Variants in CELSR3 observed in about 807,000 individuals in gnomAD.
The protein encoded by CELSR3 is EGF-like protein 1.
CELSR3 carries 73 observed loss-of-function variants against 270.0 expected under a neutral mutation model. That is an observed-to-expected ratio of 0.27 (90% confidence interval 0.22 to 0.33). CELSR3 has a LOEUF of 0.33. Among genes scored for constraint, CELSR3 ranks in the 10% least tolerant of loss-of-function variants. CELSR3 has a pLI of 1.00. For synonymous variants in CELSR3, 1,780 were observed against 1,905.4 expected (o/e 0.93, Z 1.71); for missense variants, 3,614 against 4,533.8 (o/e 0.80, Z 5.83).
Position 48,642,775 on chromosome 3 carries a change from G to A in CELSR3, c.8516C>T (p.Thr2839Ile), listed in dbSNP as rs1218934239. 2 of 1,612,502 alleles carry A rather than the reference G, an allele frequency of 1.2e-6. No homozygotes were observed. The highest frequency in any genetic ancestry group is 3.3e-5 in the Admixed American group (2 of 60,012). Residue 2839 changes from threonine (T) to isoleucine (I), a missense_variant, in exon 30 of 35, where the codon ACC (threonine) becomes ATC (isoleucine). By Grantham distance (89) the Thr-to-Ile change is moderately conservative. Around this residue, in one of 7 missense-constraint regions of CELSR3, gnomAD observed 1,240 missense variants for 1,351.7 expected, o/e 0.92. Transcript: ENST00000164024. The surrounding 1 kb of genome is among the most constrained non-coding windows in gnomAD (Gnocchi z 6.1). ...GCCCCGCTGGCTGTCCTGGTCCTGG[G>A]TCCGGCCGGAGCGGGCACTGCTCAC... ...SSVSSARSGRTQDQDSQRGRS... is the reference protein window; with the variant it reads ...SSVSSARSGRIQDQDSQRGRS...
At position 48,660,354 on chromosome 3, in the gene CELSR3, A is replaced by G. The variant is rs890022468; in HGVS notation, c.2281T>C (p.Tyr761His). The change falls in exon 1 of 35, where the codon TAC becomes CAC. Residue 761 changes from tyrosine to histidine, a missense_variant. Tyr to His is a moderately conservative substitution (Grantham distance 83). Around this residue, in one of 7 missense-constraint regions of CELSR3, gnomAD observed 215 missense variants for 241.2 expected, o/e 0.89. Coordinates refer to ENST00000164024, the MANE Select transcript of CELSR3 (RefSeq NM_001407.3). This position sits in a 1 kb window ranked among gnomAD's most constrained non-coding sequence, Gnocchi z 5.5. ...DNRPEFTMKEYHLRLNEDAAV... is the reference protein window; with the variant it reads ...DNRPEFTMKEHHLRLNEDAAV... ...GCATCCTCATTCAGTCGTAGGTGGT[A>G]CTCCTTCATTGTGAACTCAGGCCGA... is the stretch of plus-strand genomic sequence containing the variant. 3.1e-6 allele frequency: 5 copies of G among 1,613,994 alleles called. No individual in the cohort carries two copies. The highest frequency in any genetic ancestry group is 3.4e-6 in the Non-Finnish European group (4 of 1,180,000).
Position 48,652,620 on chromosome 3 carries a change from T to G in CELSR3, c.5635-67A>C. The G allele has an allele frequency of 7.7e-7, 1 of 1,297,938 alleles. No individual in the cohort carries two copies. The highest frequency in any genetic ancestry group is 1.4e-5 in the South Asian group (1 of 73,496). The allele number at this position is 1,297,938 out of a possible 1,614,324, so 80.4% of individuals were successfully genotyped here. On this transcript the variant is annotated intron_variant, in intron 10 of 34. Transcript: ENST00000164024. This position sits in a 1 kb window ranked among gnomAD's most constrained non-coding sequence, Gnocchi z 4.3. ...GATGAACCCCTGTCATAGCCCAGAG[T>G]CAGTCTTGGCCTTCTTCTAGCCCTT...
At position 48,655,945 on chromosome 3, in the gene CELSR3, C is replaced by A. The variant is rs2047176763; in HGVS notation, c.4626-94G>T. ...TCCCTGCGAGGAGAAGGGGCTGGGG[C>A]GAGAGAGGAAGCGACGAGGGACGGC... On this transcript the variant is annotated intron_variant, in intron 3 of 34. Transcript: ENST00000164024. This position sits in a 1 kb window ranked among gnomAD's most constrained non-coding sequence, Gnocchi z 5.8. 2.5e-6 allele frequency: 3 copies of A among 1,213,488 alleles called. No individual in the cohort carries two copies. Among genetic ancestry groups the A allele is most frequent in the African/African-American group, 1.5e-5 (1 of 66,358 alleles). The allele number at this position is 1,213,488 out of a possible 1,614,324, so 75.2% of individuals were successfully genotyped here. A position where few individuals can be genotyped will look rare whatever the true frequency, so the allele number is the denominator to read the frequency against.
At position 48,653,507 on chromosome 3, in the gene CELSR3, G is replaced by T; in HGVS notation, c.5448+112C>A. On this transcript the variant is annotated intron_variant, in intron 9 of 34. Transcript: ENST00000164024. This position sits in a 1 kb window ranked among gnomAD's most constrained non-coding sequence, Gnocchi z 6.5. The stretch of plus-strand genomic sequence containing the variant: ...GTCCAGAGCAGGGTCAAGTGTGGTT[G>T]GGACACCTGGCAGAAAAGTATGCTG... 1.6e-6 allele frequency: 2 copies of T among 1,289,436 alleles called. No homozygotes were observed. Among genetic ancestry groups the T allele is most frequent in the Non-Finnish European group, 1.1e-6 (1 of 913,728 alleles). The allele number at this position is 1,289,436 out of a possible 1,614,324, so 79.9% of individuals were successfully genotyped here.
chr3:48,656,731 CT>C lies in CELSR3; in HGVS notation c.4365del (p.Gly1456AlafsTer103). ...CGCGGGCGGCAGACGCACGTGTAGC[CT>C]CCCTCGCGCCGCGCGCAGGCTCCGC... Reference protein sequence around the residue: ...RNGGACARREGGYTCVCRPRF... With the variant: ...RNGGACARREXGYTCVCRPRF... On this transcript the variant is annotated frameshift_variant, in exon 2 of 35. Coordinates refer to ENST00000164024, the MANE Select transcript of CELSR3 (RefSeq NM_001407.3). LOFTEE classifies it high-confidence loss of function. 1 of 1,518,812 alleles carries C rather than the reference CT, an allele frequency of 6.6e-7. No homozygotes were observed. The allele number at this position is 1,518,812 out of a possible 1,614,324, so 94.1% of individuals were successfully genotyped here.
Position 48,642,415 on chromosome 3 carries a change from G to C in CELSR3, c.8608C>G (p.Leu2870Val). The change falls in exon 31 of 35, where the codon CTC (leucine) becomes GTC (valine). Residue 2870 changes from leucine (L) to valine (V), a missense_variant. Around this residue, in one of 7 missense-constraint regions of CELSR3, gnomAD observed 1,240 missense variants for 1,351.7 expected, o/e 0.92. Transcript: ENST00000164024. The surrounding 1 kb of genome is among the most constrained non-coding windows in gnomAD (Gnocchi z 6.1). ...GSAADHTDHS[L>V]QAHAGPTDLD... ...TCAGTGGGGCCAGCATGAGCCTGGA[G>C]GCTGTGGTCAGTGTGGTCAGCGGCT... 1 of 1,613,338 alleles carries C rather than the reference G, an allele frequency of 6.2e-7. No individual in the cohort carries two copies. The highest frequency in any genetic ancestry group is 2.2e-5 in the East Asian group (1 of 44,886).
chr3:48,648,206 A>T, intron 19 of CELSR3, 60 bp downstream of exon 19: 1 of 1,558,268 alleles, frequency 6.4e-7, no homozygotes. Flanking sequence ...TCAGACCTTC[A>T]GGTACCTGCC....
rs1362052195 is a variant in CELSR3 at position 48,660,912 on chromosome 3, C to T, written c.1723G>A (p.Asp575Asn). The change falls in exon 1 of 35, where the codon GAC becomes AAC. Residue 575 changes from aspartate to asparagine, a missense_variant. Transcript: ENST00000164024. This position sits in a 1 kb window ranked among gnomAD's most constrained non-coding sequence, Gnocchi z 5.5. ...LRVTATDRDK[D>N]ANGLVHYNII... is the part of the protein sequence containing the mutation. ...TTGTAGTGCACCAATCCGTTGGCGT[C>T]CTTGTCCCGGTCAGTGGCCGTGACG... 1.2e-6 allele frequency: 2 copies of T among 1,613,996 alleles called. No homozygotes were observed. The highest frequency in any genetic ancestry group is 1.1e-5 in the South Asian group (1 of 91,090).
chr3:48,646,026 G>A lies in CELSR3; in HGVS notation c.7463+64C>T. ...CTAGTGGGGGCCCCAGGGGAAGGCTGGGACTATTAGTTGGCCTCCCAAGGG... is the reference window on the plus strand; with the variant it reads ...CTAGTGGGGGCCCCAGGGGAAGGCTAGGACTATTAGTTGGCCTCCCAAGGG... On this transcript the variant is annotated intron_variant, in intron 22 of 34. Coordinates refer to ENST00000164024, the MANE Select transcript of CELSR3 (RefSeq NM_001407.3). The surrounding 1 kb of genome is among the most constrained non-coding windows in gnomAD (Gnocchi z 4.8). 1 of 1,595,522 alleles carries A rather than the reference G, an allele frequency of 6.3e-7. No homozygotes were observed. Among genetic ancestry groups the A allele is most frequent in the Non-Finnish European group, 8.6e-7 (1 of 1,168,242 alleles).
chr3:48,656,197 C>T lies in CELSR3; in HGVS notation c.4568G>A (p.Ser1523Asn). The change falls in exon 3 of 35, where the codon AGT (serine) becomes AAT (asparagine). Residue 1523 changes from serine to asparagine, a missense_variant. Physicochemically the swap from Ser to Asn is conservative, Grantham distance 46 (BLOSUM62 1). Around this residue, in one of 7 missense-constraint regions of CELSR3, gnomAD observed 1,331 missense variants for 1,933.7 expected, o/e 0.69. Transcript: ENST00000164024. ...CAGGCCGCGAAACATGACGAACGAACTGGGCGGGAAGGAGCGCGCAGCCAC... is the reference window on the plus strand; with the variant it reads ...CAGGCCGCGAAACATGACGAACGAATTGGGCGGGAAGGAGCGCGCAGCCAC... Reference protein sequence around the residue: ...CEVAARSFPPSSFVMFRGLRQ... With the variant: ...CEVAARSFPPNSFVMFRGLRQ... 6.5e-7 allele frequency: 1 copy of T among 1,537,988 alleles called. No individual in the cohort carries two copies. Among genetic ancestry groups the T allele is most frequent in the South Asian group, 1.2e-5 (1 of 84,146 alleles).
In CELSR3 at chr3:48,643,023, G is replaced by C. The variant is rs950870995; in HGVS notation, c.8350C>G (p.Pro2784Ala). ...GCTGCCTTCCTGCCCAGACAGGCTG[G>C]CATCCAGGCAGCCCGAGCATCTGCA... ...LNADARAAWM[P>A]ACLGRKAAPE... The change falls in exon 29 of 35, where the codon CCA (proline) becomes GCA (alanine). Residue 2784 changes from proline (P) to alanine (A), a missense_variant. Around this residue, in one of 7 missense-constraint regions of CELSR3, gnomAD observed 1,240 missense variants for 1,351.7 expected, o/e 0.92. Transcript: ENST00000164024. 1 of 1,612,848 alleles carries C rather than the reference G, an allele frequency of 6.2e-7. No individual in the cohort carries two copies.
In CELSR3 at chr3:48,648,268, A is replaced by G; in HGVS notation, c.6971T>C (p.Ile2324Thr). 1 of 928,902 alleles carries G rather than the reference A, an allele frequency of 1.1e-6. No homozygotes were observed. Among genetic ancestry groups the G allele is most frequent in the Non-Finnish European group, 1.6e-6 (1 of 618,514 alleles). 57.5% of individuals were successfully genotyped at this position (928,902 alleles called of 1,614,324 possible). The change falls in exon 19 of 35, where the codon ATC (isoleucine) becomes ACC (threonine). Residue 2324 changes from isoleucine (I) to threonine (T), a missense_variant and splice_region_variant. This residue lies in a region of CELSR3 where 1,240 missense variants were observed against 1,351.7 expected (regional missense o/e 0.92). Coordinates refer to ENST00000164024, the MANE Select transcript of CELSR3 (RefSeq NM_001407.3). ...GCCCTACCCCACCCACAACGCACTGATATTAGGCGTCACCAGCCCCATGGG... is the reference window on the plus strand; with the variant it reads ...GCCCTACCCCACCCACAACGCACTGGTATTAGGCGTCACCAGCCCCATGGG... ...LNPMGLVTPN[I>T]MLSIDRMEHP...
chr3:48,639,392 C>A lies in CELSR3; in HGVS notation c.9911+282G>T, dbSNP rs544092861. The stretch of plus-strand genomic sequence containing the variant: ...GCCTCAGCTCCTGCCCTCCCATTCG[C>A]TAGCTCAGCCCATCGGATGGCACCT... On this transcript the variant is annotated intron_variant, in intron 34 of 34. Transcript: ENST00000164024. The surrounding 1 kb of genome is among the most constrained non-coding windows in gnomAD (Gnocchi z 4.1). 6.6e-6 allele frequency among the ~76,000 whole-genome samples: 1 copy of A among 152,302 alleles called. No homozygotes were observed. Among genetic ancestry groups the A allele is most frequent in the Non-Finnish European group, 1.5e-5 (1 of 68,028 alleles).
At position 48,652,194 on chromosome 3, in the gene CELSR3, T is replaced by A; in HGVS notation, c.5752-146A>T. 1.1e-6 allele frequency: 1 copy of A among 870,728 alleles called. No individual in the cohort carries two copies. Among genetic ancestry groups the A allele is most frequent in the Non-Finnish European group, 1.7e-6 (1 of 587,884 alleles). The allele number at this position is 870,728 out of a possible 1,614,324, so 53.9% of individuals were successfully genotyped here. The stretch of plus-strand genomic sequence containing the variant: ...ACCCAGGCCTCAAAAATATCCCCAA[T>A]TTGGTACCCCTGTGGGACCCTAATT... On this transcript the variant is annotated intron_variant, in intron 11 of 34. Transcript: ENST00000164024. This position sits in a 1 kb window ranked among gnomAD's most constrained non-coding sequence, Gnocchi z 4.3.
rs370986995 is a variant in CELSR3, at chr3:48,646,279, C to T, written c.7296-22G>A. Reference sequence around the variant, plus strand: ...AAGCCTGGGGAGACACCCATCTGGGCTTACGCACTGCTGACCTCCCCATGC... The same window carrying T: ...AAGCCTGGGGAGACACCCATCTGGGTTTACGCACTGCTGACCTCCCCATGC... On this transcript the variant is annotated intron_variant, in intron 21 of 34. Transcript: ENST00000164024. The surrounding 1 kb of genome is among the most constrained non-coding windows in gnomAD (Gnocchi z 4.8). 6.3e-7 allele frequency: 1 copy of T among 1,599,310 alleles called. No individual in the cohort carries two copies. The highest frequency in any genetic ancestry group is 8.5e-7 in the Non-Finnish European group (1 of 1,171,294).
At chr3:48,643,226 G>T in intron 28 of CELSR3, 143 bp from the exon 29 acceptor site, 1 of 656,980 alleles carries the variant, frequency 1.5e-6, no homozygotes, top group East Asian at 2.7e-5. Flanking sequence ...TAAGGGAGTT[G>T]GGGAAGGTCA....
rs1303789366 is a variant in CELSR3 at position 48,637,469 on chromosome 3, G to A, written c.*736C>T. ...CCTCTGCAGGAATGTCTGACTAGAGGCCCGAGCCCCTCCCCGTGGGAGACA... is the reference window on the plus strand; with the variant it reads ...CCTCTGCAGGAATGTCTGACTAGAGACCCGAGCCCCTCCCCGTGGGAGACA... On this transcript the variant is annotated 3_prime_UTR_variant, in exon 35 of 35. Coordinates refer to ENST00000164024, the MANE Select transcript of CELSR3 (RefSeq NM_001407.3). 6.6e-6 allele frequency: 1 copy of A among 152,620 alleles called. No homozygotes were observed. The highest frequency in any genetic ancestry group is 1.5e-5 in the Non-Finnish European group (1 of 68,076). 9.5% of individuals were successfully genotyped at this position (152,620 alleles called of 1,614,324 possible).
Position 48,660,297 on chromosome 3 carries a change from C to T in CELSR3, c.2338G>A (p.Ala780Thr), listed in dbSNP as rs751054282. 7.4e-6 allele frequency: 12 copies of T among 1,614,010 alleles called. No homozygotes were observed. Among genetic ancestry groups the T allele is most frequent in the East Asian group, 2.2e-5 (1 of 44,898 alleles). Reference protein sequence around the residue: ...AVGTSVVSVTAVDRDANSAIS... With the variant: ...AVGTSVVSVTTVDRDANSAIS... ...GCACTGTTGGCATCACGGTCTACTGCGGTCACGCTGACCACACTGGTGCCC... is the reference window on the plus strand; with the variant it reads ...GCACTGTTGGCATCACGGTCTACTGTGGTCACGCTGACCACACTGGTGCCC... The change falls in exon 1 of 35, where the codon GCA becomes ACA. Residue 780 changes from alanine (A) to threonine (T), a missense_variant. Coordinates refer to ENST00000164024, the MANE Select transcript of CELSR3 (RefSeq NM_001407.3). The surrounding 1 kb of genome is among the most constrained non-coding windows in gnomAD (Gnocchi z 5.5).
At position 48,639,360 on chromosome 3, in the gene CELSR3, C is replaced by A. The variant is rs1268912101; in HGVS notation, c.9911+314G>T. ...CTTGCATATTCCAGGTCATCTCCCA[C>A]TTCTAGGCCTCAGCTCCTGCCCTCC... On this transcript the variant is annotated intron_variant, in intron 34 of 34. Coordinates refer to ENST00000164024, the MANE Select transcript of CELSR3 (RefSeq NM_001407.3). This position sits in a 1 kb window ranked among gnomAD's most constrained non-coding sequence, Gnocchi z 4.1. Among the ~76,000 whole-genome samples the A allele has an allele frequency of 1.3e-5, 2 of 152,216 alleles. No homozygotes were observed. Among genetic ancestry groups the A allele is most frequent in the African/African-American group, 4.8e-5 (2 of 41,448 alleles).
Sources: gnomAD v4.1 joint callset for allele counts (sites outside exome capture counted in the v4.1 genomes callset) on GRCh38, gnomAD v4.1.1 for gene constraint, gnomAD v4.1.1 regional missense constraint, Gnocchi (gnomAD v3.1) non-coding constraint, MANE v1.5 for transcripts, NCBI Gene and HGNC (gene_info 2026-07-23, HGNC 2026-07-21) for gene names.